The following LTO1 variants were observed in gnomAD, a reference collection of about 807,000 sequenced individuals.
LTO1 encodes LTO1 maturation factor of ABCE1, also known as protein LTO1 homolog.
In LTO1, 18 loss-of-function variants were observed where a neutral mutation model predicts 19.8. That is an observed-to-expected ratio of 0.91 (90% confidence interval 0.63 to 1.35). The LOEUF is 1.35. Ranked by LOEUF, LTO1 falls within the 40% of genes most tolerant of loss-of-function variation. LTO1 has a pLI of 0.00. For synonymous variants in LTO1, 59 were observed against 59.6 expected (o/e 0.99, Z 0.05); for missense variants, 175 against 167.9 (o/e 1.04, Z -0.23).
intron 1 of LTO1, among the ~76,000 whole-genome samples, chr11:69,674,250 C>T (rs994009229): frequency 2.0e-5 from 3 of 152,198 alleles, no homozygotes; most frequent in Non-Finnish European, 4.4e-5. Flanking sequence ...TAGCCCAAGT[C>T]AACCGCTTCC....
At chr11:69,668,074 C>T in intron 3 of LTO1, 62 bp from the exon 4 acceptor site, 1 of 811,864 alleles carries the variant, frequency 1.2e-6, no homozygotes, top group South Asian at 1.4e-5. Context: ...ACTTACACAA[C>T]AGCTATGCTG....
rs76876527 is a variant in LTO1 at position 69,674,474 on chromosome 11, C to T, written c.50+716G>A. 6.7e-3 allele frequency: 2,161 copies of T among 324,238 alleles called. 43 individuals are homozygous for T. The highest frequency in any genetic ancestry group is 0.042 in the African/African-American group (1,932 of 46,230). The allele number at this position is 324,238 out of a possible 1,614,324, so 20.1% of individuals were successfully genotyped here. A position where few individuals can be genotyped will look rare whatever the true frequency, so the allele number is the denominator to read the frequency against. ...ATGAAGCAGGGTGCATAGCTCCCCA[C>T]TTAATAGTTGTGTGACCCTGGAAAG... On this transcript the variant is annotated intron_variant, in intron 1 of 4. Coordinates refer to ENST00000279147, the MANE Select transcript of LTO1 (RefSeq NM_153451.3).
Position 69,667,533 on chromosome 11 carries a change from C to T in LTO1, c.400G>A (p.Gly134Arg), listed in dbSNP as rs374732768. Residue 134 changes from glycine to arginine, a missense_variant, in exon 5 of 5, where the codon GGA becomes AGA. Gly to Arg is a moderately radical substitution (Grantham distance 125). Coordinates refer to ENST00000279147, the MANE Select transcript of LTO1 (RefSeq NM_153451.3). The stretch of plus-strand genomic sequence containing the variant: ...ATCCATCCTCCTCAAAATGAAAGTC[C>T]GGAACCTTCTGCACTAATTTTAAAG... ...PDFKISAEGS[G>R]LSF The T allele has an allele frequency of 1.9e-5, 31 of 1,609,346 alleles. No homozygotes were observed. In the South Asian group the frequency reaches 3.1e-4, roughly 16 times the overall value.
intron 3 of LTO1, among the ~76,000 whole-genome samples, chr11:69,669,817 G>A (rs937942867): frequency 2.0e-5 from 3 of 152,176 alleles, no homozygotes; most frequent in Non-Finnish European, 2.9e-5. Flanking sequence ...GCAGTTTACC[G>A]GAAAGCTAGT....
intron 1 of LTO1, chr11:69,674,500 T>C: frequency 3.0e-6 from 1 of 333,020 alleles, no homozygotes; most frequent in South Asian, 2.4e-5. Flanking sequence ...CCCTGGAAAG[T>C]GACTGTGCCT....
At chr11:69,673,790 C>T (rs1264272091) in intron 1 of LTO1, among the ~76,000 whole-genome samples, 1 of 149,640 alleles carries the variant, frequency 6.7e-6, no homozygotes, top group Admixed American at 6.8e-5. Flanking sequence ...TGGGCTCAAG[C>T]GATCCTCCAG....
At position 69,667,427 on chromosome 11, in the gene LTO1, C is replaced by A; in HGVS notation, c.*92G>T. ...CCTCACCCTCCCAATGAACAACTGC[C>A]TTCCCAGCACCGTCTGGCCCTTCAC... On this transcript the variant is annotated 3_prime_UTR_variant, in exon 5 of 5. Coordinates refer to ENST00000279147, the MANE Select transcript of LTO1 (RefSeq NM_153451.3). 2.3e-6 allele frequency: 2 copies of A among 867,232 alleles called. No homozygotes were observed. The highest frequency in any genetic ancestry group is 1.4e-5 in the South Asian group (1 of 70,818). The allele number at this position is 867,232 out of a possible 1,614,324, so 53.7% of individuals were successfully genotyped here.
At chr11:69,672,540 T>C (rs1275165186) in intron 2 of LTO1, 2 of 155,558 alleles carry the variant, frequency 1.3e-5, no homozygotes, top group Non-Finnish European at 2.8e-5. Context: ...AAAAAAATCA[T>C]AAAGTTAATG....
In LTO1 at chr11:69,671,993, T is replaced by C. The variant is rs894217715; in HGVS notation, c.157-174A>G. ...GGAAATTAGGAAATTAGGTCATCGG[T>C]GGGGCAGCCAGCCTCCCAGATGCCC... On this transcript the variant is annotated intron_variant, in intron 2 of 4. Transcript: ENST00000279147. The C allele has an allele frequency of 6.8e-6, 4 of 585,998 alleles. No homozygotes were observed. In the African/African-American group the frequency reaches 7.5e-5, roughly 11 times the overall value. The allele number at this position is 585,998 out of a possible 1,614,324, so 36.3% of individuals were successfully genotyped here. A position where few individuals can be genotyped will look rare whatever the true frequency, so the allele number is the denominator to read the frequency against.
chr11:69,674,911 G>T (rs1856167369), intron 1 of LTO1: 1 of 677,072 alleles, frequency 1.5e-6, no homozygotes, highest in African/African-American at 1.8e-5. Flanking sequence ...GGCCTCGGAG[G>T]AGGGGAACCA....
At chr11:69,669,806 C>T (rs1368905148) in intron 3 of LTO1, among the ~76,000 whole-genome samples, 1 of 152,198 alleles carries the variant, frequency 6.6e-6, no homozygotes, top group African/African-American at 2.4e-5. Flanking sequence ...AGAAGTGTCA[C>T]GCAGTTTACC....
At chr11:69,668,317 GAAA>G in intron 3 of LTO1, 1 of 289,322 alleles carries the variant, frequency 3.5e-6, no homozygotes, top group South Asian at 4.7e-5. Context: ...CACACATGCA[GAAA>G]CAGACAGAAC....
intron 1 of LTO1, chr11:69,674,761 G>A (rs1856163464): frequency 2.2e-6 from 1 of 461,226 alleles, no homozygotes. Flanking sequence ...GGGCTCCCCA[G>A]GGGCTCTGGA....
Position 69,675,299 on chromosome 11 carries a change from A to G in LTO1, c.-60T>C. 5.2e-6 allele frequency: 7 copies of G among 1,333,430 alleles called. No individual in the cohort carries two copies. The highest frequency in any genetic ancestry group is 7.0e-6 in the Non-Finnish European group (7 of 996,684). 82.6% of individuals were successfully genotyped at this position (1,333,430 alleles called of 1,614,324 possible). A position where few individuals can be genotyped will look rare whatever the true frequency, so the allele number is the denominator to read the frequency against. ...CTGCAGCCCCGCGGTGCCGTAGCAG[A>G]CCCGGCAGCTTCAGGCACAAATGCT... On this transcript the variant is annotated 5_prime_UTR_variant, in exon 1 of 5. Transcript: ENST00000279147.
Position 69,667,941 on chromosome 11 carries a change from T to C in LTO1, c.299A>G (p.Asp100Gly). The change falls in exon 4 of 5, where the codon GAT becomes GGT. Residue 100 changes from aspartate (D) to glycine (G), a missense_variant. By Grantham distance (94) the Asp-to-Gly change is moderately conservative (BLOSUM62 -1). Coordinates refer to ENST00000279147, the MANE Select transcript of LTO1 (RefSeq NM_153451.3). ...QKFPYDDPTYDKLHEDLDKIR... is the reference protein window; with the variant it reads ...QKFPYDDPTYGKLHEDLDKIR... ...CTTGTCTAAGTCTTCATGGAGTTTA[T>C]CGTAAGTAGGGTCATCATAAGGGAA... 2 of 1,593,508 alleles carry C rather than the reference T, an allele frequency of 1.3e-6. No individual in the cohort carries two copies. Among genetic ancestry groups the C allele is most frequent in the East Asian group, 4.5e-5 (2 of 44,790 alleles).
At chr11:69,670,770 C>T (rs553322271) in intron 3 of LTO1, among the ~76,000 whole-genome samples, 48 of 152,330 alleles carry the variant, frequency 3.2e-4, no homozygotes, top group African/African-American at 1.1e-3. Flanking sequence ...TCAGGTCCCG[C>T]GCTTGCTGCT....
intron 3 of LTO1, among the ~76,000 whole-genome samples, chr11:69,670,468 G>A (rs540552555): frequency 2.6e-5 from 4 of 152,336 alleles, no homozygotes; most frequent in South Asian, 4.1e-4. Flanking sequence ...GCTGCCGGCC[G>A]CTGCCTGAGA....
Position 69,673,338 on chromosome 11 carries a change from T to A in LTO1, c.51-17A>T. 6.7e-7 allele frequency: 1 copy of A among 1,489,986 alleles called. No homozygotes were observed. Among genetic ancestry groups the A allele is most frequent in the Non-Finnish European group, 9.4e-7 (1 of 1,067,068 alleles). The allele number at this position is 1,489,986 out of a possible 1,614,324, so 92.3% of individuals were successfully genotyped here. On this transcript the variant is annotated splice_polypyrimidine_tract_variant and intron_variant, in intron 1 of 4. Coordinates refer to ENST00000279147, the MANE Select transcript of LTO1 (RefSeq NM_153451.3). ...CCATGAAACCTGTGAAGAAGAAGCA[T>A]GCTTCATCAAATCAACAGGAGAAAG...
intron 1 of LTO1, among the ~76,000 whole-genome samples, chr11:69,674,277 C>T (rs1018384413): frequency 6.6e-6 from 1 of 152,184 alleles, no homozygotes; most frequent in African/African-American, 2.4e-5. Flanking sequence ...CTGCAACATA[C>T]ACAGGGTTTG....
Sources: allele counts gnomAD v4.1 joint callset (sites outside exome capture counted in the v4.1 genomes callset), GRCh38; gene constraint gnomAD v4.1.1; transcripts MANE v1.5; gene names NCBI Gene and HGNC (gene_info 2026-07-23, HGNC 2026-07-21).